Variants in CACNA1C observed in about 807,000 individuals in gnomAD.
CACNA1C encodes voltage-dependent L-type calcium channel subunit alpha-1C.
Under a neutral mutation model 229.0 loss-of-function variants are expected in CACNA1C, and 30 were observed. The ratio of observed to expected loss-of-function variants is 0.13; its 90% CI spans 0.10 to 0.18. The LOEUF is 0.18. Ranked by LOEUF, CACNA1C falls within the 10% of genes least tolerant of loss-of-function variation. The probability of loss-of-function intolerance (pLI) is 1.00; values close to 1 mark genes in which losing one functional copy is unlikely to be tolerated. For synonymous variants in CACNA1C, 1,114 were observed against 1,132.5 expected (o/e 0.98, Z 0.33); for missense variants, 1,658 against 2,845.0 (o/e 0.58, Z 9.49).
chr12:2,560,680 C>T (rs1350393025), intron 11 of CACNA1C, among the ~76,000 whole-genome samples: 1 of 152,098 alleles, frequency 6.6e-6, no homozygotes, highest in Non-Finnish European at 1.5e-5. Flanking sequence ...CTAGCTTGCC[C>T]AGTCTTCAGT....
Position 2,498,699 on chromosome 12 carries a change from G to T in CACNA1C, c.1113+5313G>T, listed in dbSNP as rs1172628758. Among the ~76,000 whole-genome samples, 4 of 152,230 alleles carry T rather than the reference G, an allele frequency of 2.6e-5. No individual in the cohort carries two copies. In the South Asian group the frequency reaches 8.3e-4, roughly 32 times the overall value. On this transcript the variant is annotated intron_variant, in intron 7 of 46. Transcript: ENST00000399655. ...TGTGGGAGCAGGACAGCCCTGAGGG[G>T]CACAGAGCACTCCAGGACCAAGTGG...
intron 3 of CACNA1C, among the ~76,000 whole-genome samples, chr12:2,329,707 T>G (rs955138656): frequency 6.6e-6 from 1 of 152,212 alleles, no homozygotes; most frequent in Non-Finnish European, 1.5e-5. Context: ...GAGTCCAGTG[T>G]GCACTTTATG....
At chr12:2,296,544 T>C (rs1421610578) in intron 3 of CACNA1C, among the ~76,000 whole-genome samples, 1 of 152,126 alleles carries the variant, frequency 6.6e-6, no homozygotes, top group Non-Finnish European at 1.5e-5. Context: ...CCCAAACAAA[T>C]AATTGGTGCT....
At chr12:2,256,491 C>A (rs759892940) in intron 3 of CACNA1C, among the ~76,000 whole-genome samples, 2 of 152,144 alleles carry the variant, frequency 1.3e-5, no homozygotes, top group African/African-American at 2.4e-5. Flanking sequence ...ACCTGTCTAG[C>A]TTCATGCTGT....
intron 3 of CACNA1C, among the ~76,000 whole-genome samples, chr12:2,259,297 T>C (rs144598677): frequency 2.6e-4 from 40 of 152,344 alleles, no homozygotes; most frequent in Middle Eastern, 3.4e-3. Flanking sequence ...TTTTGTGATG[T>C]ATGCTGAAGT....
intron 3 of CACNA1C, among the ~76,000 whole-genome samples, chr12:2,325,626 A>AG: frequency 6.6e-6 from 1 of 152,268 alleles, no homozygotes; most frequent in Admixed American, 6.5e-5. Context: ...CAAAGTGCAC[A>AG]GCACAGAGCC....
intron 21 of CACNA1C, among the ~76,000 whole-genome samples, chr12:2,600,272 C>A (rs950507251): frequency 4.6e-5 from 7 of 152,208 alleles, no homozygotes; most frequent in African/African-American, 1.7e-4. Flanking sequence ...TACTCCCTTG[C>A]ATCTTTTATG....
intron 4 of CACNA1C, among the ~76,000 whole-genome samples, chr12:2,452,380 G>A (rs955330609): frequency 1.3e-5 from 2 of 152,108 alleles, no homozygotes; most frequent in East Asian, 1.9e-4. Context: ...GAGGTTCCAC[G>A]CCAGCCAGTG....
intron 18 of CACNA1C, among the ~76,000 whole-genome samples, chr12:2,591,968 A>T (rs2065582707): frequency 6.6e-6 from 1 of 152,088 alleles, no homozygotes; most frequent in African/African-American, 2.4e-5. Flanking sequence ...GCCTGTCTTG[A>T]TGAGGATAAC....
chr12:2,682,739 G>A, intron 43 of CACNA1C, 61 bp downstream of exon 43: 2 of 1,556,534 alleles, frequency 1.3e-6, no homozygotes, highest in Non-Finnish European at 1.7e-6. Context: ...TGGGGAGGCA[G>A]AGGCAGGTCC....
rs1602890386 is a variant in CACNA1C, at chr12:2,632,330, TGG to T, written c.3829-1964_3829-1963del. Among the ~76,000 whole-genome samples the T allele has an allele frequency of 6.6e-6, 1 of 151,332 alleles. No individual in the cohort carries two copies. Among genetic ancestry groups the T allele is most frequent in the Admixed American group, 6.6e-5 (1 of 15,222 alleles). On this transcript the variant is annotated intron_variant, in intron 29 of 46. Transcript: ENST00000399655. This position sits in a 1 kb window ranked among gnomAD's most constrained non-coding sequence, Gnocchi z 4.1. ...ATGACCGCCTGTAGCTGGGGGTGTA[TGG>T]GGAATATGATCGCCTGTAGCTGGGG...
chr12:2,625,615 G>A (rs951581460), intron 29 of CACNA1C, among the ~76,000 whole-genome samples: 2 of 152,088 alleles, frequency 1.3e-5, no homozygotes, highest in African/African-American at 2.4e-5. Context: ...GCACGTTCTC[G>A]GTGCCAGACA....
At chr12:2,648,124 C>G (rs1330264312) in intron 30 of CACNA1C, among the ~76,000 whole-genome samples, 4 of 152,062 alleles carry the variant, frequency 2.6e-5, no homozygotes, top group Non-Finnish European at 5.9e-5. Context: ...GGCAACAGAG[C>G]TGAGACCCTG....
At position 2,688,432 on chromosome 12, in the gene CACNA1C, C is replaced by A. The variant is rs777236425; in HGVS notation, c.5785-15C>A. The A allele has an allele frequency of 4.6e-5, 75 of 1,613,056 alleles. No homozygotes were observed. In the Middle Eastern group the frequency reaches 8.2e-4, roughly 18 times the overall value. On this transcript the variant is annotated splice_polypyrimidine_tract_variant and intron_variant, in intron 45 of 46. Coordinates refer to ENST00000399655, the MANE Select transcript of CACNA1C (RefSeq NM_000719.7). ...CGGCCACTCCTATTAACTCACACTC[C>A]TTGTGTGTCCGCAGGCATTGGCAGT...
chr12:2,638,699 AGT>A (rs1249602914), intron 30 of CACNA1C, among the ~76,000 whole-genome samples: 1 of 152,010 alleles, frequency 6.6e-6, no homozygotes, highest in African/African-American at 2.4e-5. Flanking sequence ...CAAAATTAAC[AGT>A]GTTTCCTGAC....
intron 3 of CACNA1C, among the ~76,000 whole-genome samples, chr12:2,153,377 A>C (rs1232387403): frequency 6.6e-6 from 1 of 152,152 alleles, no homozygotes; most frequent in Non-Finnish European, 1.5e-5. Flanking sequence ...CATTGAGTAC[A>C]TTCATACTGT....
intron 29 of CACNA1C, among the ~76,000 whole-genome samples, chr12:2,618,968 T>G (rs2082023833): frequency 6.6e-6 from 1 of 152,244 alleles, no homozygotes; most frequent in African/African-American, 2.4e-5. Flanking sequence ...TCCAACTGTT[T>G]TAAATTAGCC....
At chr12:2,206,289 C>G (rs2154330947) in intron 3 of CACNA1C, among the ~76,000 whole-genome samples, 1 of 152,244 alleles carries the variant, frequency 6.6e-6, no homozygotes, top group Admixed American at 6.5e-5. Context: ...TTTGTATTTT[C>G]AGAAGTGCAG....
At chr12:2,385,325 C>A (rs1275888001) in intron 3 of CACNA1C, among the ~76,000 whole-genome samples, 2 of 152,004 alleles carry the variant, frequency 1.3e-5, no homozygotes, top group East Asian at 3.9e-4. Flanking sequence ...TTTTCTGATG[C>A]CTGCCTCCCT....
Sources: gnomAD v4.1 joint callset for allele counts (sites outside exome capture counted in the v4.1 genomes callset) on GRCh38, gnomAD v4.1.1 for gene constraint, Gnocchi (gnomAD v3.1) non-coding constraint, MANE v1.5 for transcripts, NCBI Gene and HGNC (gene_info 2026-07-23, HGNC 2026-07-21) for gene names.